Variants in PPP2R5C observed in about 807,000 individuals in gnomAD.
PPP2R5C encodes the protein protein phosphatase 2 regulatory subunit B'gamma, also known as serine/threonine-protein phosphatase 2A 56 kDa regulatory subunit gamma isoform.
PPP2R5C carries 7 observed loss-of-function variants against 68.9 expected under a neutral mutation model. The observed-to-expected ratio is 0.10, with a 90% CI of 0.06 to 0.19. PPP2R5C has a LOEUF of 0.19. Among genes scored for constraint, PPP2R5C ranks in the 10% least tolerant of loss-of-function variants. The pLI, the probability that PPP2R5C is intolerant of heterozygous loss-of-function variation, is 1.00. For synonymous variants in PPP2R5C, 210 were observed against 222.2 expected (o/e 0.95, Z 0.49); for missense variants, 348 against 641.3 (o/e 0.54, Z 4.94).
At chr14:101,793,207 T>A (rs1264371656) in intron 3 of PPP2R5C, among the ~76,000 whole-genome samples, 1 of 152,200 alleles carries the variant, frequency 6.6e-6, no homozygotes, top group African/African-American at 2.4e-5. Context: ...GAGCCCTGGT[T>A]CCTTTCAGTA....
chr14:101,884,369 T>C (rs1271538288), intron 5 of PPP2R5C, among the ~76,000 whole-genome samples: 1 of 152,192 alleles, frequency 6.6e-6, no homozygotes, highest in African/African-American at 2.4e-5. Flanking sequence ...CCAGGCACAA[T>C]ACTTTGCATC....
chr14:101,815,721 G>C (rs1454403863), intron 1 of PPP2R5C, among the ~76,000 whole-genome samples: 1 of 152,190 alleles, frequency 6.6e-6, no homozygotes, highest in Non-Finnish European at 1.5e-5. Flanking sequence ...CCAGGCTGGG[G>C]TGCAGTGGCG....
chr14:101,764,722 C>T (rs1053940885), intron 2 of PPP2R5C, among the ~76,000 whole-genome samples: 1 of 151,636 alleles, frequency 6.6e-6, no homozygotes, highest in African/African-American at 2.4e-5. Context: ...TTGTTTCTTT[C>T]TTCCCTGTCA....
intron 1 of PPP2R5C, chr14:101,824,260 A>ATAT (rs2040264496): frequency 9.2e-7 from 1 of 1,091,066 alleles, no homozygotes; most frequent in African/African-American, 1.7e-5. Context: ...ATTCGTAATG[A>ATAT]TATAGCATGA....
intron 2 of PPP2R5C, among the ~76,000 whole-genome samples, chr14:101,777,511 G>A (rs930308562): frequency 3.3e-5 from 5 of 151,574 alleles, no homozygotes; most frequent in Admixed American, 6.6e-5. Context: ...CACCATGCCC[G>A]GCTAATTTTT....
chr14:101,925,346 G>T, exon 14 of PPP2R5C: 1 of 1,573,018 alleles, frequency 6.4e-7, no homozygotes. Flanking sequence ...TACTTCCTGT[G>T]CCATACCAAT....
In PPP2R5C at chr14:101,797,357, TCAGTACACGAGTTAA is replaced by T. The variant is rs1016943523; in HGVS notation, c.259+11179_259+11193del. On this transcript the variant is annotated intron_variant, in intron 3 of 14. Transcript: ENST00000328724. This position sits in a 1 kb window ranked among gnomAD's most constrained non-coding sequence, Gnocchi z 4.2. The stretch of plus-strand genomic sequence containing the variant: ...TGCAGAGCACGCCACACACATTCAG[TCAGTACACGAGTTAA>T]CAGTTGCGTGCTTGTCTGCCTGTGT... 30 of 454,694 alleles carry T rather than the reference TCAGTACACGAGTTAA, an allele frequency of 6.6e-5. No homozygotes were observed. The highest frequency in any genetic ancestry group is 1.1e-4 in the Non-Finnish European group (25 of 226,008). The allele number at this position is 454,694 out of a possible 1,614,324, so 28.2% of individuals were successfully genotyped here.
At chr14:101,903,216 G>A (rs1678035) in intron 9 of PPP2R5C, among the ~76,000 whole-genome samples, 53,052 of 151,878 alleles carry the variant, frequency 0.35, 13,080 homozygotes, top group African/African-American at 0.71. Context: ...AAAAACTTGA[G>A]CCCCTTCCCC....
At chr14:101,822,288 T>C (rs2040132494) in intron 1 of PPP2R5C, among the ~76,000 whole-genome samples, 1 of 152,150 alleles carries the variant, frequency 6.6e-6, no homozygotes, top group Non-Finnish European at 1.5e-5. Flanking sequence ...TTGGAAGAAT[T>C]CTGTGATTGG....
intron 2 of PPP2R5C, among the ~76,000 whole-genome samples, chr14:101,772,492 G>A (rs780206071): frequency 6.6e-6 from 1 of 151,826 alleles, no homozygotes; most frequent in Non-Finnish European, 1.5e-5. Context: ...ATTTATTTTG[G>A]GTTAAAAAAT....
intron 2 of PPP2R5C, among the ~76,000 whole-genome samples, chr14:101,784,493 AG>A (rs2037989962): frequency 6.7e-6 from 1 of 148,410 alleles, no homozygotes; most frequent in Non-Finnish European, 1.5e-5. Flanking sequence ...ACACGGCAGC[AG>A]GAGAGAGAGA....
chr14:101,859,069 G>A (rs532679142), intron 2 of PPP2R5C, among the ~76,000 whole-genome samples: 5 of 152,298 alleles, frequency 3.3e-5, no homozygotes, highest in South Asian at 4.1e-4. Context: ...GCTCCAGAGC[G>A]TTGCCAGCCC....
chr14:101,878,653 G>T lies in PPP2R5C; in HGVS notation c.295-3508G>T, dbSNP rs138029013. On this transcript the variant is annotated intron_variant, in intron 2 of 13. Transcript: ENST00000334743. Reference sequence around the variant, plus strand: ...TCTGGACTCCGTGGACAGGCAGCGGGCACGAGACTTGGCCGTGGTGGACAC... The same window carrying T: ...TCTGGACTCCGTGGACAGGCAGCGGTCACGAGACTTGGCCGTGGTGGACAC... 1.8e-4 allele frequency among the ~76,000 whole-genome samples: 27 copies of T among 152,314 alleles called. No individual in the cohort carries two copies. The East Asian group carries it at 4.8e-3, about 27-fold the overall frequency.
intron 1 of PPP2R5C, chr14:101,824,142 A>G: frequency 3.1e-6 from 4 of 1,284,624 alleles, no homozygotes; most frequent in Non-Finnish European, 4.1e-6. Flanking sequence ...GCTGCATTTT[A>G]GACATAGCTG....
chr14:101,801,314 C>T (rs2038853150), intron 3 of PPP2R5C, among the ~76,000 whole-genome samples: 2 of 152,160 alleles, frequency 1.3e-5, no homozygotes, highest in Non-Finnish European at 2.9e-5. Flanking sequence ...CAAAATATCA[C>T]ATGTCCCCTC....
chr14:101,803,679 G>A (rs904666981), intron 3 of PPP2R5C, among the ~76,000 whole-genome samples: 1 of 150,440 alleles, frequency 6.6e-6, no homozygotes, highest in African/African-American at 2.5e-5. Context: ...AGCAGACATC[G>A]CACCACTGCA....
In PPP2R5C at chr14:101,921,005, A is replaced by T. The variant is rs2046970024; in HGVS notation, c.1443+3058A>T. ...GAATTCAACCTATCCAGATGAAGGT[A>T]TTTATGAAGTGCAGTCTCTAGGTGT... On this transcript the variant is annotated intron_variant, in intron 13 of 13. Transcript: ENST00000334743. The T allele has an allele frequency of 4.3e-5, 6 of 141,166 alleles. No individual in the cohort carries two copies. The South Asian group carries it at 8.7e-4, about 20-fold the overall frequency. 8.7% of individuals were successfully genotyped at this position (141,166 alleles called of 1,614,324 possible). A position where few individuals can be genotyped will look rare whatever the true frequency, so the allele number is the denominator to read the frequency against.
chr14:101,918,665 C>T (rs3134674), intron 13 of PPP2R5C, among the ~76,000 whole-genome samples: 79 of 55,468 alleles, frequency 1.4e-3, no homozygotes, highest in Non-Finnish European at 1.8e-3. Context: ...CCCTCGCCCC[C>T]TCCCGGGCAC....
rs1030378484 is a variant in PPP2R5C at position 101,872,691 on chromosome 14, C to G, written c.295-9470C>G. ...TTCCTTTGGACATAATGTACCCTTT[C>G]CCCCTCTGGGAGCTTTCACAGTTGT... On this transcript the variant is annotated intron_variant, in intron 2 of 13. Transcript: ENST00000334743. 1.2e-4 allele frequency among the ~76,000 whole-genome samples: 19 copies of G among 152,294 alleles called. 1 individual carries two copies. Among genetic ancestry groups the G allele is most frequent in the African/African-American group, 4.3e-4 (18 of 41,556 alleles).
Sources: allele counts gnomAD v4.1 joint callset (sites outside exome capture counted in the v4.1 genomes callset), GRCh38; gene constraint gnomAD v4.1.1; non-coding constraint Gnocchi (gnomAD v3.1); transcripts MANE v1.5; gene names NCBI Gene and HGNC (gene_info 2026-07-23, HGNC 2026-07-21).